The following PRKAR2B variants were observed in gnomAD, a reference collection of about 807,000 sequenced individuals.
The protein encoded by PRKAR2B is protein kinase cAMP-dependent type II regulatory subunit beta, also known as cAMP-dependent protein kinase type II-beta regulatory subunit.
A neutral mutation model predicts 49.9 loss-of-function variants in PRKAR2B; 14 were observed. The observed-to-expected ratio is 0.28, with a 90% confidence interval of 0.19 to 0.44. The LOEUF is 0.44. PRKAR2B is among the 20% of genes least tolerant of loss of function. PRKAR2B has a pLI of 1.00. For missense variants in PRKAR2B, 393 were observed against 537.9 expected (o/e 0.73, Z 2.67); for synonymous variants, 196 against 197.7 (o/e 0.99, Z 0.07).
intron 2 of PRKAR2B, among the ~76,000 whole-genome samples, chr7:107,107,793 G>A (rs1562859359): frequency 6.6e-6 from 1 of 152,042 alleles, no homozygotes; most frequent in Non-Finnish European, 1.5e-5. Flanking sequence ...GAGTAGCTGG[G>A]ACTATAGGTG....
At chr7:107,051,512 G>GA (rs1232231793) in intron 1 of PRKAR2B, among the ~76,000 whole-genome samples, 1 of 152,076 alleles carries the variant, frequency 6.6e-6, no homozygotes, top group Non-Finnish European at 1.5e-5. Flanking sequence ...ACCTCACTAT[G>GA]ATGCTTATCA....
At chr7:107,135,538 G>A (rs1016710029) in intron 4 of PRKAR2B, among the ~76,000 whole-genome samples, 3 of 152,104 alleles carry the variant, frequency 2.0e-5, no homozygotes, top group African/African-American at 7.2e-5. Flanking sequence ...AGGATACAAG[G>A]TTAATATACA....
At position 107,045,136 on chromosome 7, in the gene PRKAR2B, G is replaced by A; in HGVS notation, c.229G>A (p.Ala77Thr). The A allele has an allele frequency of 6.6e-7, 1 of 1,520,812 alleles. No homozygotes were observed. Among genetic ancestry groups the A allele is most frequent in the Non-Finnish European group, 8.8e-7 (1 of 1,136,856 alleles). 94.2% of individuals were successfully genotyped at this position (1,520,812 alleles called of 1,614,324 possible). Residue 77 changes from alanine (A) to threonine (T), a missense_variant, in exon 1 of 11, where the codon GCC becomes ACC. Coordinates refer to ENST00000265717, the MANE Select transcript of PRKAR2B (RefSeq NM_002736.3). ...GGTPSKGVNF[A>T]EEPMQSDSED... ...CACCCCCAGCAAGGGGGTCAACTTCGCCGAGGAGCCCATGCAGTCCGACTC... is the reference window on the plus strand; with the variant it reads ...CACCCCCAGCAAGGGGGTCAACTTCACCGAGGAGCCCATGCAGTCCGACTC...
At chr7:107,102,462 A>G (rs375372777) in intron 2 of PRKAR2B, among the ~76,000 whole-genome samples, 11 of 152,248 alleles carry the variant, frequency 7.2e-5, no homozygotes, top group South Asian at 6.2e-4. Context: ...TGCTCTGTCT[A>G]TGGAGCAGCC....
At position 107,102,815 on chromosome 7, in the gene PRKAR2B, C is replaced by T. The variant is rs539510882; in HGVS notation, c.344-19137C>T. Among the ~76,000 whole-genome samples the T allele has an allele frequency of 6.6e-5, 10 of 152,030 alleles. No individual in the cohort carries two copies. In the East Asian group the frequency reaches 9.7e-4, roughly 15 times the overall value. Reference sequence around the variant, plus strand: ...CCTCCTGAGTAGCTGGGATTACAGGCGCCCGCCACCATGCCTAGCTAATTT... The same window carrying T: ...CCTCCTGAGTAGCTGGGATTACAGGTGCCCGCCACCATGCCTAGCTAATTT... On this transcript the variant is annotated intron_variant, in intron 2 of 10. Transcript: ENST00000265717.
chr7:107,046,647 AAG>A (rs1203292183), intron 1 of PRKAR2B, among the ~76,000 whole-genome samples: 4 of 152,200 alleles, frequency 2.6e-5, no homozygotes, highest in African/African-American at 9.7e-5. Context: ...AGAAACGAGA[AAG>A]AGAAAAGAAT....
chr7:107,109,787 T>C (rs1795139628), intron 2 of PRKAR2B, among the ~76,000 whole-genome samples: 1 of 152,068 alleles, frequency 6.6e-6, no homozygotes, highest in East Asian at 1.9e-4. Context: ...ATAGTAAAAG[T>C]TGGTGAACAA....
chr7:107,144,480 G>T (rs1795852475), intron 5 of PRKAR2B, among the ~76,000 whole-genome samples: 1 of 151,948 alleles, frequency 6.6e-6, no homozygotes, highest in Admixed American at 6.6e-5. Context: ...GGAGGGGCAG[G>T]GAGAGTGTCT....
intron 2 of PRKAR2B, among the ~76,000 whole-genome samples, chr7:107,105,413 A>G (rs2116818116): frequency 6.6e-6 from 1 of 152,324 alleles, no homozygotes; most frequent in Admixed American, 6.5e-5. Flanking sequence ...CTGTGGAAAA[A>G]TGTGTGGTCC....
At chr7:107,110,148 A>G (rs1795146146) in intron 2 of PRKAR2B, among the ~76,000 whole-genome samples, 1 of 152,172 alleles carries the variant, frequency 6.6e-6, no homozygotes, top group Admixed American at 6.5e-5. Flanking sequence ...TATCGCACTC[A>G]GTAATGCCCT....
At chr7:107,066,398 A>G (rs1794145936) in intron 1 of PRKAR2B, among the ~76,000 whole-genome samples, 1 of 151,896 alleles carries the variant, frequency 6.6e-6, no homozygotes, top group African/African-American at 2.4e-5. Context: ...AGAAAATTTA[A>G]TTTGACTTGT....
At chr7:107,056,336 T>C (rs531948400) in intron 1 of PRKAR2B, among the ~76,000 whole-genome samples, 1 of 152,346 alleles carries the variant, frequency 6.6e-6, no homozygotes, top group Non-Finnish European at 1.5e-5. Flanking sequence ...AAAGTAGTTG[T>C]TTCGAATTCT....
intron 4 of PRKAR2B, among the ~76,000 whole-genome samples, chr7:107,138,467 G>A (rs1795737610): frequency 1.3e-5 from 2 of 152,054 alleles, no homozygotes; most frequent in South Asian, 4.2e-4. Context: ...AGGCTGGAGT[G>A]CAGTGTAACA....
At chr7:107,099,394 G>A (rs1043253576) in intron 2 of PRKAR2B, among the ~76,000 whole-genome samples, 13 of 152,108 alleles carry the variant, frequency 8.5e-5, no homozygotes, top group South Asian at 2.1e-4. Flanking sequence ...GGAGTGTCCC[G>A]ATTTTCCAGA....
intron 2 of PRKAR2B, among the ~76,000 whole-genome samples, chr7:107,074,143 C>T (rs1794342606): frequency 6.6e-6 from 1 of 152,146 alleles, no homozygotes; most frequent in East Asian, 2.0e-4. Flanking sequence ...TGAGATGGAG[C>T]CTTGCTCTGT....
At chr7:107,095,502 C>G (rs1052471599) in intron 2 of PRKAR2B, among the ~76,000 whole-genome samples, 1 of 152,152 alleles carries the variant, frequency 6.6e-6, no homozygotes, top group African/African-American at 2.4e-5. Context: ...ATTTCTTTCT[C>G]CTGCCTGATT....
At chr7:107,159,047 T>A (rs1796148311) in intron 10 of PRKAR2B, among the ~76,000 whole-genome samples, 1 of 152,210 alleles carries the variant, frequency 6.6e-6, no homozygotes, top group South Asian at 2.1e-4. Context: ...ACATGGCATT[T>A]TAAACCCTGA....
intron 6 of PRKAR2B, among the ~76,000 whole-genome samples, chr7:107,149,619 A>G (rs1320358624): frequency 6.6e-6 from 1 of 152,072 alleles, no homozygotes; most frequent in South Asian, 2.1e-4. Flanking sequence ...ACCACCTAAT[A>G]CTATCCTGGG....
Position 107,159,894 on chromosome 7 carries a change from G to A in PRKAR2B, c.*312G>A. The A allele has an allele frequency of 4.3e-6, 1 of 230,926 alleles. No individual in the cohort carries two copies. Among genetic ancestry groups the A allele is most frequent in the Admixed American group, 5.2e-5 (1 of 19,248 alleles). 14.3% of individuals were successfully genotyped at this position (230,926 alleles called of 1,614,324 possible). A position where few individuals can be genotyped will look rare whatever the true frequency, so the allele number is the denominator to read the frequency against. On this transcript the variant is annotated 3_prime_UTR_variant, in exon 11 of 11. Transcript: ENST00000265717. Reference sequence around the variant, plus strand: ...ATCTGTGTTTAAGAAGATAATTAAAGGATGTTATCATAGGCTATATGTGTT... The same window carrying A: ...ATCTGTGTTTAAGAAGATAATTAAAAGATGTTATCATAGGCTATATGTGTT...
Sources: gnomAD v4.1 joint callset for allele counts (sites outside exome capture counted in the v4.1 genomes callset) on GRCh38, gnomAD v4.1.1 for gene constraint, MANE v1.5 for transcripts, NCBI Gene and HGNC (gene_info 2026-07-23, HGNC 2026-07-21) for gene names.